Variants in YAP1 observed in about 807,000 individuals in gnomAD.
YAP1 encodes the protein Yes1 associated transcriptional regulator, also known as transcriptional coactivator YAP1.
A neutral mutation model predicts 56.9 loss-of-function variants in YAP1; 5 were observed. That is an observed-to-expected ratio of 0.09 (90% CI 0.05 to 0.18). The LOEUF (loss-of-function observed/expected upper bound fraction) is 0.18, where lower values mean the gene tolerates loss of function less well. Ranked by LOEUF, YAP1 falls within the 10% of genes least tolerant of loss-of-function variation. YAP1 has a pLI of 1.00. For missense variants in YAP1, 539 were observed against 651.8 expected, an observed-to-expected ratio of 0.83 and a Z score of 1.88; for synonymous variants, 265 against 248.1, an observed-to-expected ratio of 1.07 and a Z score of -0.64.
At chr11:102,119,076 T>C (rs1943489524) in intron 2 of YAP1, among the ~76,000 whole-genome samples, 1 of 151,772 alleles carries the variant, frequency 6.6e-6, no homozygotes, top group African/African-American at 2.4e-5. Context: ...CAGTCTCTGC[T>C]TGTTTGTCTT....
chr11:102,112,396 CTCTT>C lies in YAP1; in HGVS notation c.321+1229_321+1232del, dbSNP rs1331530012. ...GTGGATTTGTTTTGTGTAGGGTTCT[CTCTT>C]TTTCTTTCTTTTTTATTTCTTCTTC... On this transcript the variant is annotated intron_variant, in intron 1 of 8. Coordinates refer to ENST00000282441, the MANE Select transcript of YAP1 (RefSeq NM_001130145.3). 8.2e-6 allele frequency: 8 copies of C among 970,458 alleles called. No individual in the cohort carries two copies. The African/African-American group carries it at 1.1e-4, about 14-fold the overall frequency. 60.1% of individuals were successfully genotyped at this position (970,458 alleles called of 1,614,324 possible).
intron 3 of YAP1, among the ~76,000 whole-genome samples, chr11:102,164,495 A>G (rs1005362955): frequency 6.6e-6 from 1 of 152,208 alleles, no homozygotes; most frequent in African/African-American, 2.4e-5. Flanking sequence ...GTCATGCTCC[A>G]TCTAAAAATT....
intron 3 of YAP1, among the ~76,000 whole-genome samples, chr11:102,181,577 C>T (rs897402982): frequency 5.3e-5 from 8 of 151,974 alleles, no homozygotes; most frequent in Non-Finnish European, 7.4e-5. Context: ...ATTTTGGAGA[C>T]GGAGAAAGAC....
intron 6 of YAP1, among the ~76,000 whole-genome samples, chr11:102,223,059 C>T (rs1158433237): frequency 6.7e-6 from 1 of 149,886 alleles, no homozygotes; most frequent in Non-Finnish European, 1.5e-5. Flanking sequence ...TCCTGGGTAA[C>T]ATGGTGAAAC....
At chr11:102,141,510 A>G (rs1009415858) in intron 2 of YAP1, among the ~76,000 whole-genome samples, 3 of 152,198 alleles carry the variant, frequency 2.0e-5, no homozygotes, top group African/African-American at 7.2e-5. Context: ...GGTAAGCCCT[A>G]AGTAATGTAG....
chr11:102,164,872 G>GCCA (rs1202924317), intron 3 of YAP1, among the ~76,000 whole-genome samples: 1 of 152,084 alleles, frequency 6.6e-6, no homozygotes, highest in Non-Finnish European at 1.5e-5. Flanking sequence ...ATAGGAATGC[G>GCCA]CCACCACGCA....
rs554962404 is a variant in YAP1 at position 102,181,227 on chromosome 11, C to T, written c.689-4791C>T. Among the ~76,000 whole-genome samples the T allele has an allele frequency of 5.7e-4, 86 of 151,886 alleles. 3 individuals are homozygous for T. In the South Asian group the frequency reaches 0.017, roughly 30 times the overall value. On this transcript the variant is annotated intron_variant, in intron 3 of 8. Transcript: ENST00000282441. ...TTGGGAGGTTGAGGTGGGCGGATCA[C>T]GAGGTCAGGAGATCGCGACAATCCT...
At chr11:102,206,206 T>A in intron 5 of YAP1, 132 bp downstream of exon 5, 1 of 1,097,714 alleles carries the variant, frequency 9.1e-7, no homozygotes, top group Non-Finnish European at 1.3e-6. Context: ...CACAGAAGCA[T>A]TCTATCCAGC....
At chr11:102,124,378 T>G (rs544346525) in intron 2 of YAP1, among the ~76,000 whole-genome samples, 11 of 152,368 alleles carry the variant, frequency 7.2e-5, no homozygotes, top group African/African-American at 2.6e-4. Context: ...CTTTTAAAAT[T>G]CATTGTCAAC....
intron 4 of YAP1, among the ~76,000 whole-genome samples, chr11:102,197,773 T>C (rs1010074399): frequency 6.6e-5 from 10 of 152,228 alleles, no homozygotes; most frequent in African/African-American, 1.9e-4. Flanking sequence ...ACTGGAAACA[T>C]TGGGATTTCA....
intron 2 of YAP1, among the ~76,000 whole-genome samples, chr11:102,142,042 A>C (rs576820555): frequency 1.3e-5 from 2 of 152,222 alleles, no homozygotes; most frequent in African/African-American, 4.8e-5. Flanking sequence ...TTGTATTTGC[A>C]GTGTTTTTCA....
chr11:102,204,434 C>G (rs1949022543), intron 4 of YAP1, among the ~76,000 whole-genome samples: 1 of 152,032 alleles, frequency 6.6e-6, no homozygotes, highest in Admixed American at 6.6e-5. Flanking sequence ...TCCTGTGGCA[C>G]TCAGTCTGAG....
At chr11:102,161,253 G>A (rs1351905461) in intron 2 of YAP1, among the ~76,000 whole-genome samples, 3 of 150,344 alleles carry the variant, frequency 2.0e-5, no homozygotes, top group Non-Finnish European at 4.4e-5. Flanking sequence ...TAGTAGAGAT[G>A]GGGTTTCACC....
chr11:102,111,553 A>C (rs750076943), intron 1 of YAP1, among the ~76,000 whole-genome samples: 28 of 150,948 alleles, frequency 1.9e-4, no homozygotes, highest in Non-Finnish European at 3.7e-4. Flanking sequence ...GGGCTTGCAC[A>C]ATGCGCGCGC....
rs754280015 is a variant in YAP1, at chr11:102,206,045, C to T, written c.955C>T (p.Arg319Trp). 7 of 1,613,622 alleles carry T rather than the reference C, an allele frequency of 4.3e-6. No individual in the cohort carries two copies. In the South Asian group the frequency reaches 4.4e-5, roughly 10 times the overall value. ...QQLQMEKERLRLKQQELLRQA... is the reference protein window; with the variant it reads ...QQLQMEKERLWLKQQELLRQA... ...ACTGCAGATGGAGAAGGAGAGGCTG[C>T]GGCTGAAACAGCAAGAACTGCTTCG... Residue 319 changes from arginine (R) to tryptophan (W), a missense_variant, in exon 5 of 9, where the codon CGG becomes TGG. Arg to Trp is a moderately radical substitution (Grantham distance 101). Around this residue, in one of 4 missense-constraint regions of YAP1, gnomAD observed 414 missense variants for 512.4 expected, o/e 0.81. Coordinates refer to ENST00000282441, the MANE Select transcript of YAP1 (RefSeq NM_001130145.3).
intron 6 of YAP1, among the ~76,000 whole-genome samples, chr11:102,216,454 A>G (rs1949673217): frequency 6.6e-6 from 1 of 152,318 alleles, no homozygotes; most frequent in East Asian, 1.9e-4. Flanking sequence ...AAGCCTGTAT[A>G]TGTCTTATAC....
At chr11:102,215,137 A>T (rs1591442996) in intron 6 of YAP1, among the ~76,000 whole-genome samples, 1 of 152,250 alleles carries the variant, frequency 6.6e-6, no homozygotes, top group African/African-American at 2.4e-5. Flanking sequence ...GTGTTGGAAA[A>T]TAGGGTATGG....
At chr11:102,113,807 C>T (rs1943113708) in intron 1 of YAP1, among the ~76,000 whole-genome samples, 2 of 152,028 alleles carry the variant, frequency 1.3e-5, no homozygotes, top group African/African-American at 2.4e-5. Context: ...ACTGCACTGA[C>T]CTCTTAAAAA....
At chr11:102,186,464 G>T (rs975576827) in intron 4 of YAP1, 1 of 302,376 alleles carries the variant, frequency 3.3e-6, no homozygotes, top group Non-Finnish European at 6.3e-6. Flanking sequence ...TAATAATCAG[G>T]CTGTCATGCA....
Sources: gnomAD v4.1 joint callset for allele counts (sites outside exome capture counted in the v4.1 genomes callset) on GRCh38, gnomAD v4.1.1 for gene constraint, gnomAD v4.1.1 regional missense constraint, MANE v1.5 for transcripts, NCBI Gene and HGNC (gene_info 2026-07-23, HGNC 2026-07-21) for gene names.